Variants in ZNF12 observed in about 807,000 individuals in gnomAD.
ZNF12 encodes the protein zinc finger protein 12, also known as gonadotropin inducible transcription repressor 3.
In ZNF12, 34 loss-of-function variants were observed where a neutral mutation model predicts 66.6. The ratio of observed to expected loss-of-function variants is 0.51; its 90% confidence interval spans 0.39 to 0.68. ZNF12 has a LOEUF of 0.68. Among genes scored for constraint, ZNF12 ranks in the 30% least tolerant of loss-of-function variants. The pLI is 0.00. For missense variants in ZNF12, 697 were observed against 826.9 expected, an observed-to-expected ratio of 0.84 and a Z score of 1.93; for synonymous variants, 320 against 278.9, an observed-to-expected ratio of 1.15 and a Z score of -1.47.
Position 6,697,353 on chromosome 7 carries a change from A to G in ZNF12, c.224T>C (p.Leu75Pro). Residue 75 changes from leucine to proline, a missense_variant, in exon 4 of 5, where the codon CTT becomes CCT. Leu to Pro is a moderately conservative substitution (Grantham distance 98, BLOSUM62 -3). Coordinates refer to ENST00000405858, the MANE Select transcript of ZNF12 (RefSeq NM_016265.4). The surrounding 1 kb of genome is among the most constrained non-coding windows in gnomAD (Gnocchi z 6.1). ...CACTAACACACCTGGATAGCTCTGA[A>G]GTAGGAATTCTCCTTCTACTATCCA... is the stretch of plus-strand genomic sequence containing the variant. ...EPWIVEGEFL[L>P]QSYPDEVWQT... 6.2e-7 allele frequency: 1 copy of G among 1,609,620 alleles called. No homozygotes were observed. The highest frequency in any genetic ancestry group is 8.5e-7 in the Non-Finnish European group (1 of 1,177,914).
At chr7:6,695,690 C>T (rs1780144114) in intron 4 of ZNF12, among the ~76,000 whole-genome samples, 1 of 152,214 alleles carries the variant, frequency 6.6e-6, no homozygotes, top group Non-Finnish European at 1.5e-5. Context: ...AGCAAAACAG[C>T]TCAAGCAAAA....
rs543823024 is a variant in ZNF12 at position 6,697,015 on chromosome 7, A to T, written c.238+324T>A. Among the ~76,000 whole-genome samples the T allele has an allele frequency of 3.9e-5, 6 of 152,266 alleles. No homozygotes were observed. The highest frequency in any genetic ancestry group is 1.4e-4 in the African/African-American group (6 of 41,556). ...TACACGAAGAACACAAGAATCACAT[A>T]AGTTATTTTTAAATGTCAGACTTAT... On this transcript the variant is annotated intron_variant, in intron 4 of 4. Transcript: ENST00000405858. The surrounding 1 kb of genome is among the most constrained non-coding windows in gnomAD (Gnocchi z 6.1).
intron 4 of ZNF12, among the ~76,000 whole-genome samples, chr7:6,694,510 T>C (rs3801034): frequency 6.6e-6 from 1 of 151,894 alleles, no homozygotes; most frequent in Non-Finnish European, 1.5e-5. Flanking sequence ...CACAAGGAGG[T>C]TCCTAAGATA....
At chr7:6,702,397 C>CAA (rs1309492726) in intron 2 of ZNF12, among the ~76,000 whole-genome samples, 1 of 130,384 alleles carries the variant, frequency 7.7e-6, no homozygotes, top group Non-Finnish European at 1.7e-5. Context: ...CACACACACA[C>CAA]AACCAGATTC....
At position 6,705,193 on chromosome 7, in the gene ZNF12, A is replaced by T. The variant is rs770413025; in HGVS notation, c.-20T>A. 1 of 1,613,714 alleles carries T rather than the reference A, an allele frequency of 6.2e-7. No homozygotes were observed. Among genetic ancestry groups the T allele is most frequent in the Non-Finnish European group, 8.5e-7 (1 of 1,179,718 alleles). ...ATTCATTTTCTGCTGCTCTTGGAAA[A>T]ATCTGGAGGACTGTGAAAGCGGAGG... On this transcript the variant is annotated 5_prime_UTR_variant, in exon 2 of 5. Transcript: ENST00000405858. The surrounding 1 kb of genome is among the most constrained non-coding windows in gnomAD (Gnocchi z 4.0).
rs3839710 is a variant in ZNF12 at position 6,692,886 on chromosome 7, A to AAC, written c.239-185_239-184dup. Among the ~76,000 whole-genome samples, 16,158 of 150,134 alleles carry AAC rather than the reference A, an allele frequency of 0.11. 1,261 individuals are homozygous for AAC. The highest frequency in any genetic ancestry group is 0.28 in the East Asian group (1,433 of 5,128). On this transcript the variant is annotated intron_variant, in intron 4 of 4. Transcript: ENST00000405858. This position sits in a 1 kb window ranked among gnomAD's most constrained non-coding sequence, Gnocchi z 5.1. ...TTTTGCTTAAAATTACACACACACAAACACACACACACACACACATCCCCC... is the reference window on the plus strand; with the variant it reads ...TTTTGCTTAAAATTACACACACACAAACACACACACACACACACACATCCCCC...
intron 2 of ZNF12, among the ~76,000 whole-genome samples, chr7:6,704,801 T>G (rs1350125579): frequency 1.4e-5 from 2 of 143,230 alleles, no homozygotes; most frequent in Non-Finnish European, 1.5e-5. Flanking sequence ...GGTTCAAGGG[T>G]TATTATTTAG....
At chr7:6,700,051 C>T (rs1031925866) in intron 2 of ZNF12, among the ~76,000 whole-genome samples, 17 of 150,894 alleles carry the variant, frequency 1.1e-4, no homozygotes, top group Non-Finnish European at 1.9e-4. Context: ...TTTGGGAGGC[C>T]GAGGTGGGCA....
At chr7:6,702,509 G>C (rs1399839986) in intron 2 of ZNF12, among the ~76,000 whole-genome samples, 1 of 4,398 alleles carries the variant, frequency 2.3e-4, no homozygotes, top group Non-Finnish European at 4.8e-4. Flanking sequence ...CACACACACA[G>C]ATTTATCTCC....
intron 2 of ZNF12, among the ~76,000 whole-genome samples, chr7:6,699,515 C>T (rs1039892317): frequency 6.6e-6 from 1 of 152,138 alleles, no homozygotes; most frequent in African/African-American, 2.4e-5. Flanking sequence ...CAGGACTGCC[C>T]CAGCAGGTGA....
rs780833245 is a variant in ZNF12 at position 6,692,050 on chromosome 7, C to T, written c.892G>A (p.Glu298Lys). Reference sequence around the variant, plus strand: ...AAGGATTTCCCACACTGATTACATTCGTAAGGTTTCTCTCCTGTGTGAGTC... The same window carrying T: ...AAGGATTTCCCACACTGATTACATTTGTAAGGTTTCTCTCCTGTGTGAGTC... ...QRTHTGEKPY[E>K]CNQCGKSFCQ... Residue 298 changes from glutamate (E) to lysine (K), a missense_variant, in exon 5 of 5, where the codon GAA becomes AAA. By Grantham distance (56) the Glu-to-Lys change is moderately conservative. This residue lies in a region of ZNF12 where 401 missense variants were observed against 519.0 expected (regional missense o/e 0.77). Coordinates refer to ENST00000405858, the MANE Select transcript of ZNF12 (RefSeq NM_016265.4). This position sits in a 1 kb window ranked among gnomAD's most constrained non-coding sequence, Gnocchi z 5.1. The T allele has an allele frequency of 1.9e-5, 30 of 1,613,578 alleles. No homozygotes were observed. The highest frequency in any genetic ancestry group is 5.0e-5 in the Admixed American group (3 of 59,998).
Position 6,691,343 on chromosome 7 carries a change from G to A in ZNF12, c.1599C>T (p.Asn533=), listed in dbSNP as rs1780064739. Residue 533 remains asparagine (N), a synonymous_variant, in exon 5 of 5, where the codon AAC becomes AAT. Transcript: ENST00000405858. The part of the protein sequence containing the change: ...CSECGKTFYQ[N]SALCRHRRIH... ...TTCTCCGATGTCTACAAAGGGCTGA[G>A]TTCTGGTAGAAGGTTTTCCCACATT... The A allele has an allele frequency of 6.2e-7, 1 of 1,613,430 alleles. No individual in the cohort carries two copies. Among genetic ancestry groups the A allele is most frequent in the African/African-American group, 1.3e-5 (1 of 74,766 alleles).
chr7:6,700,921 G>A (rs1257648904), intron 2 of ZNF12: 1 of 152,182 alleles, frequency 6.6e-6, no homozygotes, highest in Non-Finnish European at 1.5e-5. Flanking sequence ...TTCCTTGAAT[G>A]ACTGAATCAC....
chr7:6,695,323 C>T (rs994459975), intron 4 of ZNF12, among the ~76,000 whole-genome samples: 3 of 152,224 alleles, frequency 2.0e-5, no homozygotes, highest in Non-Finnish European at 2.9e-5. Flanking sequence ...TAATCTGAAT[C>T]ATATAGGTAT....
rs909293479 is a variant in ZNF12 at position 6,690,534 on chromosome 7, T to C, written c.*314A>G. On this transcript the variant is annotated 3_prime_UTR_variant, in exon 5 of 5. Coordinates refer to ENST00000405858, the MANE Select transcript of ZNF12 (RefSeq NM_016265.4). ...TTCCAAAGGATTATGTCTTCCACAT[T>C]CCTTATACTGATAGATTTCCCCTTG... The C allele has an allele frequency of 8.9e-6, 2 of 224,148 alleles. No individual in the cohort carries two copies. The highest frequency in any genetic ancestry group is 1.7e-5 in the Non-Finnish European group (2 of 114,388). 13.9% of individuals were successfully genotyped at this position (224,148 alleles called of 1,614,324 possible).
intron 2 of ZNF12, among the ~76,000 whole-genome samples, chr7:6,703,891 A>C (rs1462423228): frequency 6.6e-6 from 1 of 152,278 alleles, no homozygotes; most frequent in Admixed American, 6.5e-5. Context: ...CATGTGCTGG[A>C]TTATTGGCAA....
Position 6,691,664 on chromosome 7 carries a change from G to A in ZNF12, c.1278C>T (p.Thr426=), listed in dbSNP as rs1239020467. 7 of 1,611,580 alleles carry A rather than the reference G, an allele frequency of 4.3e-6. No individual in the cohort carries two copies. Among genetic ancestry groups the A allele is most frequent in the Non-Finnish European group, 5.9e-6 (7 of 1,179,052 alleles). Residue 426 remains threonine, a synonymous_variant, in exon 5 of 5, where the codon ACC becomes ACT. Coordinates refer to ENST00000405858, the MANE Select transcript of ZNF12 (RefSeq NM_016265.4). ...TCTCTCCTGTGTGGGTCCTCAGGTGGGTCGTGAGAGTAGACTTGCGGCAGA... is the reference window on the plus strand; with the variant it reads ...TCTCTCCTGTGTGGGTCCTCAGGTGAGTCGTGAGAGTAGACTTGCGGCAGA... The part of the protein sequence containing the change: ...KCFCRKSTLT[T]HLRTHTGEKP...
In ZNF12 at chr7:6,696,184, C is replaced by T. The variant is rs760353405; in HGVS notation, c.238+1155G>A. On this transcript the variant is annotated intron_variant, in intron 4 of 4. Transcript: ENST00000405858. This position sits in a 1 kb window ranked among gnomAD's most constrained non-coding sequence, Gnocchi z 4.0. The stretch of plus-strand genomic sequence containing the variant: ...CATGACAGCATCTAGTCTTTGTTTA[C>T]ATTAAGTCAAAGGAAACTGAGGATA... 1.3e-5 allele frequency among the ~76,000 whole-genome samples: 2 copies of T among 152,090 alleles called. No individual in the cohort carries two copies. Among genetic ancestry groups the T allele is most frequent in the Non-Finnish European group, 2.9e-5 (2 of 68,034 alleles).
At position 6,705,878 on chromosome 7, in the gene ZNF12, C is replaced by A. The variant is rs1163400654; in HGVS notation, c.-51+554G>T. Among the ~76,000 whole-genome samples, 1 of 152,170 alleles carries A rather than the reference C, an allele frequency of 6.6e-6. No individual in the cohort carries two copies. The highest frequency in any genetic ancestry group is 1.5e-5 in the Non-Finnish European group (1 of 68,032). On this transcript the variant is annotated intron_variant, in intron 1 of 4. Transcript: ENST00000405858. This position sits in a 1 kb window ranked among gnomAD's most constrained non-coding sequence, Gnocchi z 4.0. ...ATTGAGTCTTTATTTGCAGAAACTTCAGTGTGCTACTCAAAAGGATCTTTT... is the reference window on the plus strand; with the variant it reads ...ATTGAGTCTTTATTTGCAGAAACTTAAGTGTGCTACTCAAAAGGATCTTTT...
Sources: gnomAD v4.1 joint callset for allele counts (sites outside exome capture counted in the v4.1 genomes callset) on GRCh38, gnomAD v4.1.1 for gene constraint, gnomAD v4.1.1 regional missense constraint, Gnocchi (gnomAD v3.1) non-coding constraint, MANE v1.5 for transcripts, NCBI Gene and HGNC (gene_info 2026-07-23, HGNC 2026-07-21) for gene names.